The following SINHCAF variants were observed in gnomAD, a reference collection of about 807,000 sequenced individuals.
The protein encoded by SINHCAF is SIN3-HDAC complex-associated factor.
In SINHCAF, 3 loss-of-function variants were observed where a neutral mutation model predicts 25.8. That is an observed-to-expected ratio of 0.12 (90% confidence interval 0.05 to 0.30). The LOEUF (loss-of-function observed/expected upper bound fraction) is 0.30, where lower values mean the gene tolerates loss of function less well. Ranked by LOEUF, SINHCAF falls within the 10% of genes least tolerant of loss-of-function variation. The probability of loss-of-function intolerance (pLI) is 1.00; values close to 1 mark genes in which losing one functional copy is unlikely to be tolerated. For missense variants in SINHCAF, 121 were observed against 262.3 expected, an observed-to-expected ratio of 0.46 and a Z score of 3.72; for synonymous variants, 70 against 85.5, an observed-to-expected ratio of 0.82 and a Z score of 1.00.
rs1222547717 is a variant in SINHCAF at position 31,324,111 on chromosome 12, G to A, written c.-21+1913C>T. 8.8e-6 allele frequency: 4 copies of A among 452,982 alleles called. No homozygotes were observed. The highest frequency in any genetic ancestry group is 2.0e-5 in the African/African-American group (1 of 49,948). 28.1% of individuals were successfully genotyped at this position (452,982 alleles called of 1,614,324 possible). ...CGCCGGGGCGAGGGCGAGGGCAGCG[G>A]GAGGTGAACCGCGTCGCTCGCCGCC... On this transcript the variant is annotated intron_variant, in intron 1 of 5. Transcript: ENST00000337682. This position sits in a 1 kb window ranked among gnomAD's most constrained non-coding sequence, Gnocchi z 5.5.
In SINHCAF at chr12:31,325,467, T is replaced by C. The variant is rs763348711; in HGVS notation, c.-21+557A>G. On this transcript the variant is annotated intron_variant, in intron 1 of 5. Coordinates refer to ENST00000337682, the MANE Select transcript of SINHCAF (RefSeq NM_001135812.2). The surrounding 1 kb of genome is among the most constrained non-coding windows in gnomAD (Gnocchi z 5.9). ...CCTCGGCCGCCAGCTCGGAAGCGGA[T>C]GGCAACTTAGTTTCCGAGCGAATGG... 407 of 347,248 alleles carry C rather than the reference T, an allele frequency of 1.2e-3. 3 individuals are homozygous for C. Among genetic ancestry groups the C allele is most frequent in the Non-Finnish European group, 1.2e-3 (212 of 174,692 alleles). 21.5% of individuals were successfully genotyped at this position (347,248 alleles called of 1,614,324 possible).
At chr12:31,285,408 T>C (rs943729401) in intron 5 of SINHCAF, among the ~76,000 whole-genome samples, 8 of 93,838 alleles carry the variant, frequency 8.5e-5, no homozygotes, top group Admixed American at 8.4e-4. Flanking sequence ...CATATATTTA[T>C]ATATATACAT....
intron 2 of SINHCAF, among the ~76,000 whole-genome samples, chr12:31,297,387 T>G (rs1938592328): frequency 1.3e-5 from 2 of 151,782 alleles, no homozygotes; most frequent in Admixed American, 1.3e-4. Flanking sequence ...TTCAAGCTCC[T>G]GGGCTCAAGT....
intron 1 of SINHCAF, among the ~76,000 whole-genome samples, chr12:31,323,689 C>T (rs554019467): frequency 6.6e-6 from 1 of 152,120 alleles, no homozygotes; most frequent in South Asian, 2.1e-4. Flanking sequence ...TGCCCTTCCC[C>T]GCTCCCCCCA....
At chr12:31,307,558 A>AAG (rs143612587) in intron 1 of SINHCAF, among the ~76,000 whole-genome samples, 1,723 of 150,692 alleles carry the variant, frequency 0.011, 26 homozygotes, top group African/African-American at 0.038. Context: ...CTGTCTAAAA[A>AAG]AGAGAGAGAG....
intron 2 of SINHCAF, 42 bp from the exon 3 acceptor site, chr12:31,295,375 T>A: frequency 7.6e-7 from 1 of 1,307,772 alleles, no homozygotes; most frequent in Non-Finnish European, 1.1e-6. Context: ...CTCCCTTACC[T>A]TAAAGAATTC....
At chr12:31,310,918 G>A (rs1330908178) in intron 1 of SINHCAF, among the ~76,000 whole-genome samples, 3 of 149,480 alleles carry the variant, frequency 2.0e-5, no homozygotes, top group East Asian at 2.0e-4. Context: ...TCGCCAGGCT[G>A]GAGTGCAGTG....
rs1565501771 is a variant in SINHCAF at position 31,311,668 on chromosome 12, A to AT, written c.-20-13445dup. 6.7e-6 allele frequency: 3 copies of AT among 445,310 alleles called. No homozygotes were observed. The East Asian group carries it at 1.6e-4, about 23-fold the overall frequency. The allele number at this position is 445,310 out of a possible 1,614,324, so 27.6% of individuals were successfully genotyped here. A position where few individuals can be genotyped will look rare whatever the true frequency, so the allele number is the denominator to read the frequency against. ...TGAGAGAGCAGATCCAACTGAGCTT[A>AT]TAACAATATTTTTGAAGTATGCAAG... On this transcript the variant is annotated intron_variant, in intron 1 of 5. Transcript: ENST00000337682.
chr12:31,306,656 G>C (rs75470009), intron 1 of SINHCAF, among the ~76,000 whole-genome samples: 1,738 of 152,278 alleles, frequency 0.011, 16 homozygotes, highest in East Asian at 0.037. Flanking sequence ...TCAGCAAAGT[G>C]ATTACCTTGA....
chr12:31,293,562 AG>A (rs1043363546), intron 4 of SINHCAF, among the ~76,000 whole-genome samples: 4 of 152,236 alleles, frequency 2.6e-5, no homozygotes, highest in African/African-American at 9.6e-5. Flanking sequence ...TAAAGACATC[AG>A]GGTGGTCTCA....
At chr12:31,323,249 C>G (rs1335140058) in intron 1 of SINHCAF, among the ~76,000 whole-genome samples, 2 of 152,148 alleles carry the variant, frequency 1.3e-5, no homozygotes, top group African/African-American at 2.4e-5. Flanking sequence ...AGGGTTTTCT[C>G]CGAAACTCCA....
intron 1 of SINHCAF, among the ~76,000 whole-genome samples, chr12:31,312,375 A>AGT (rs1939308286): frequency 6.8e-6 from 1 of 146,780 alleles, no homozygotes; most frequent in Non-Finnish European, 1.6e-5. Context: ...TGTGTGTGTG[A>AGT]GTGTGTGTAT....
At position 31,325,334 on chromosome 12, in the gene SINHCAF, G is replaced by C; in HGVS notation, c.-21+690C>G. 1 of 425,238 alleles carries C rather than the reference G, an allele frequency of 2.4e-6. No individual in the cohort carries two copies. The highest frequency in any genetic ancestry group is 4.7e-6 in the Non-Finnish European group (1 of 211,920). The allele number at this position is 425,238 out of a possible 1,614,324, so 26.3% of individuals were successfully genotyped here. A position where few individuals can be genotyped will look rare whatever the true frequency, so the allele number is the denominator to read the frequency against. On this transcript the variant is annotated intron_variant, in intron 1 of 5. Coordinates refer to ENST00000337682, the MANE Select transcript of SINHCAF (RefSeq NM_001135812.2). The surrounding 1 kb of genome is among the most constrained non-coding windows in gnomAD (Gnocchi z 5.9). ...ACGGGCTGTTTTTAAGCGACCGCGT[G>C]TTGCTCTCATTGTCGCATCCGCATC... is the stretch of plus-strand genomic sequence containing the variant.
chr12:31,290,261 C>T (rs1297016355), intron 4 of SINHCAF, among the ~76,000 whole-genome samples: 1 of 152,000 alleles, frequency 6.6e-6, no homozygotes, highest in Non-Finnish European at 1.5e-5. Context: ...CATGCCTCAG[C>T]CTCTCGAGTA....
intron 1 of SINHCAF, among the ~76,000 whole-genome samples, chr12:31,310,349 T>C (rs929683052): frequency 1.3e-5 from 2 of 152,192 alleles, no homozygotes; most frequent in Non-Finnish European, 2.9e-5. Flanking sequence ...TGTTAATTTC[T>C]CCCAAAGAGT....
chr12:31,314,493 T>TC (rs1939420104), intron 1 of SINHCAF, among the ~76,000 whole-genome samples: 1 of 151,254 alleles, frequency 6.6e-6, no homozygotes, highest in African/African-American at 2.4e-5. Flanking sequence ...GCCATTGCAC[T>TC]CCAGCCTGGG....
At position 31,300,147 on chromosome 12, in the gene SINHCAF, A is replaced by G. The variant is rs116622131; in HGVS notation, c.-20-1923T>C. 3.3e-3 allele frequency among the ~76,000 whole-genome samples: 510 copies of G among 152,346 alleles called. 4 individuals carry two copies. The highest frequency in any genetic ancestry group is 0.012 in the African/African-American group (490 of 41,578). ...TAGCAAGTATTAATGAAAATGATTC[A>G]GAACCAAATATCCAGGCTTTTTATG... On this transcript the variant is annotated intron_variant, in intron 1 of 5. Transcript: ENST00000337682.
At chr12:31,304,182 G>A (rs1938932724) in intron 1 of SINHCAF, 1 of 150,108 alleles carries the variant, frequency 6.7e-6, no homozygotes, top group Non-Finnish European at 1.5e-5. Flanking sequence ...TTTACACTAT[G>A]TGCCCATCCT....
At chr12:31,307,812 G>A (rs985813526) in intron 1 of SINHCAF, among the ~76,000 whole-genome samples, 4 of 152,146 alleles carry the variant, frequency 2.6e-5, no homozygotes, top group African/African-American at 7.2e-5. Flanking sequence ...GGCCATCCTC[G>A]AGTCATTGGA....
Sources: gnomAD v4.1 joint callset for allele counts (sites outside exome capture counted in the v4.1 genomes callset) on GRCh38, gnomAD v4.1.1 for gene constraint, Gnocchi (gnomAD v3.1) non-coding constraint, MANE v1.5 for transcripts, NCBI Gene and HGNC (gene_info 2026-07-23, HGNC 2026-07-21) for gene names.